The following PROKR1 variants were observed in gnomAD, a reference collection of about 807,000 sequenced individuals.
The protein encoded by PROKR1 is G protein-coupled receptor 73.
A neutral mutation model predicts 22.8 loss-of-function variants in PROKR1; 21 were observed. That is an observed-to-expected ratio of 0.92 (90% CI 0.65 to 1.32). The LOEUF (loss-of-function observed/expected upper bound fraction) is 1.32. Ranked by LOEUF, PROKR1 falls within the 40% of genes most tolerant of loss-of-function variation. The pLI is 0.00. For missense variants in PROKR1, 548 were observed against 514.2 expected (o/e 1.07, Z -0.64); for synonymous variants, 193 against 207.5 (o/e 0.93, Z 0.60).
intron 2 of PROKR1, among the ~76,000 whole-genome samples, chr2:68,652,774 G>A (rs1673359348): frequency 6.6e-6 from 1 of 152,158 alleles, no homozygotes; most frequent in Admixed American, 6.5e-5. Flanking sequence ...TTTTACAGAT[G>A]AGGGAAGTGA....
intron 2 of PROKR1, among the ~76,000 whole-genome samples, chr2:68,648,665 T>C (rs1673242363): frequency 6.6e-6 from 1 of 152,246 alleles, no homozygotes; most frequent in Admixed American, 6.5e-5. Context: ...TAGGAATCAT[T>C]AATTTTTCTC....
At chr2:68,646,906 A>G (rs1489664694) in intron 2 of PROKR1, among the ~76,000 whole-genome samples, 1 of 151,962 alleles carries the variant, frequency 6.6e-6, no homozygotes, top group Non-Finnish European at 1.5e-5. Context: ...AAATTAGCTG[A>G]GCGTGGTGGT....
In PROKR1 at chr2:68,646,376, G is replaced by A. The variant is rs926129150; in HGVS notation, c.485+70G>A. ...AGGGGCATTGGAATTGCCCCCTCCT[G>A]TACTGCAGTTGCAGATTGATGAGAG... On this transcript the variant is annotated intron_variant, in intron 2 of 2. Coordinates refer to ENST00000303786, the MANE Select transcript of PROKR1 (RefSeq NM_138964.4). The A allele has an allele frequency of 2.5e-6, 4 of 1,581,728 alleles. No individual in the cohort carries two copies. The Admixed American group carries it at 6.7e-5, about 26-fold the overall frequency.
intron 1 of PROKR1, among the ~76,000 whole-genome samples, chr2:68,644,335 C>G (rs1253285908): frequency 6.6e-6 from 1 of 152,168 alleles, no homozygotes; most frequent in Non-Finnish European, 1.5e-5. Context: ...GGGGCTTGTC[C>G]CGCCTGGGTT....
At chr2:68,651,196 T>C (rs1232111760) in intron 2 of PROKR1, among the ~76,000 whole-genome samples, 1 of 143,222 alleles carries the variant, frequency 7.0e-6, no homozygotes, top group East Asian at 2.1e-4. Flanking sequence ...ATCCTGTCTC[T>C]ACAAAAGAAA....
chr2:68,647,828 C>T (rs1673223414), intron 2 of PROKR1, among the ~76,000 whole-genome samples: 1 of 152,022 alleles, frequency 6.6e-6, no homozygotes, highest in Non-Finnish European at 1.5e-5. Flanking sequence ...TTTCATTTAC[C>T]TGGAGGCCAA....
chr2:68,653,087 C>T (rs1267370707), intron 2 of PROKR1, among the ~76,000 whole-genome samples: 1 of 152,224 alleles, frequency 6.6e-6, no homozygotes, highest in African/African-American at 2.4e-5. Flanking sequence ...AATGTCTTAA[C>T]TCTCCATTTT....
Position 68,645,952 on chromosome 2 carries a change from T to C in PROKR1, c.131T>C (p.Met44Thr), listed in dbSNP as rs548179657. 1.2e-6 allele frequency: 2 copies of C among 1,614,256 alleles called. No homozygotes were observed. Among genetic ancestry groups the C allele is most frequent in the African/African-American group, 1.3e-5 (1 of 75,062 alleles). ...PFNFSYSDYD[M>T]PLDEDEDVTN... is the part of the protein sequence containing the mutation. Reference sequence around the variant, plus strand: ...AACTTCAGCTACAGCGACTATGATATGCCTTTGGATGAAGATGAGGATGTG... The same window carrying C: ...AACTTCAGCTACAGCGACTATGATACGCCTTTGGATGAAGATGAGGATGTG... Residue 44 changes from methionine to threonine, a missense_variant, in exon 2 of 3, where the codon ATG becomes ACG. Met to Thr is a moderately conservative substitution (Grantham distance 81). Transcript: ENST00000303786.
At position 68,656,879 on chromosome 2, in the gene PROKR1, T is replaced by C. The variant is rs1573341072; in HGVS notation, c.*1303T>C. ...GTGATCCAGTGGCAGGGGATGCAGG[T>C]CAGATGCATCTTCCAGAAGTCTGGG... On this transcript the variant is annotated 3_prime_UTR_variant, in exon 3 of 3. Coordinates refer to ENST00000303786, the MANE Select transcript of PROKR1 (RefSeq NM_138964.4). 6.6e-6 allele frequency: 1 copy of C among 152,256 alleles called. No homozygotes were observed. The highest frequency in any genetic ancestry group is 2.1e-4 in the South Asian group (1 of 4,828). 9.4% of individuals were successfully genotyped at this position (152,256 alleles called of 1,614,324 possible).
chr2:68,644,694 T>C (rs1673136467), intron 1 of PROKR1, among the ~76,000 whole-genome samples: 1 of 152,108 alleles, frequency 6.6e-6, no homozygotes, highest in African/African-American at 2.4e-5. Flanking sequence ...TGTTTTAGGG[T>C]GCTCTCCAGA....
At chr2:68,653,821 T>C (rs1673386543) in intron 2 of PROKR1, among the ~76,000 whole-genome samples, 1 of 151,046 alleles carries the variant, frequency 6.6e-6, no homozygotes, top group South Asian at 2.1e-4. Flanking sequence ...ACCACTGTGG[T>C]AACAGCAATG....
chr2:68,646,011 G>T lies in PROKR1; in HGVS notation c.190G>T (p.Val64Phe), dbSNP rs779662940. Residue 64 changes from valine to phenylalanine, a missense_variant, in exon 2 of 3, where the codon GTC (valine) becomes TTC (phenylalanine). Transcript: ENST00000303786. ...CAGGACGTTCTTTGCTGCCAAGATT[G>T]TCATTGGGATGGCCCTGGTGGGCAT... ...NSRTFFAAKI[V>F]IGMALVGIML... The T allele has an allele frequency of 6.8e-6, 11 of 1,614,148 alleles. No individual in the cohort carries two copies. Among genetic ancestry groups the T allele is most frequent in the Non-Finnish European group, 9.3e-6 (11 of 1,180,062 alleles).
At position 68,655,217 on chromosome 2, in the gene PROKR1, A is replaced by G; in HGVS notation, c.823A>G (p.Arg275Gly). 1.9e-6 allele frequency: 3 copies of G among 1,614,228 alleles called. No individual in the cohort carries two copies. The stretch of plus-strand genomic sequence containing the variant: ...ATTCCAGACAGAGCAGATCCGCAAG[A>G]GGCTGCGCTGCCGCAGGAAGACGGT... Reference protein sequence around the residue: ...PGFQTEQIRKRLRCRRKTVLV... With the variant: ...PGFQTEQIRKGLRCRRKTVLV... The change falls in exon 3 of 3, where the codon AGG becomes GGG. Residue 275 changes from arginine (R) to glycine (G), a missense_variant. By Grantham distance (125) the Arg-to-Gly change is moderately radical. Coordinates refer to ENST00000303786, the MANE Select transcript of PROKR1 (RefSeq NM_138964.4).
At chr2:68,645,470 T>C (rs577187828) in intron 1 of PROKR1, among the ~76,000 whole-genome samples, 192 bp from the exon 2 acceptor site, 1 of 152,240 alleles carries the variant, frequency 6.6e-6, no homozygotes, top group African/African-American at 2.4e-5. Flanking sequence ...ATTGTCTCTA[T>C]AGCAATCCAC....
chr2:68,651,350 G>C (rs1325233233), intron 2 of PROKR1, among the ~76,000 whole-genome samples: 1 of 152,148 alleles, frequency 6.6e-6, no homozygotes, highest in African/African-American at 2.4e-5. Flanking sequence ...CTCGGTGACA[G>C]AGCAAGATCC....
chr2:68,655,338 T>C lies in PROKR1; in HGVS notation c.944T>C (p.Val315Ala). 3.7e-6 allele frequency: 6 copies of C among 1,614,228 alleles called. No individual in the cohort carries two copies. In the Admixed American group the frequency reaches 1.0e-4, roughly 27 times the overall value. Reference protein sequence around the residue: ...IVRDFFPTVFVKEKHYLTAFY... With the variant: ...IVRDFFPTVFAKEKHYLTAFY... ...CGCGACTTCTTCCCCACCGTGTTTG[T>C]GAAGGAGAAGCACTACCTCACTGCC... The change falls in exon 3 of 3, where the codon GTG becomes GCG. Residue 315 changes from valine (V) to alanine (A), a missense_variant. Physicochemically the swap from Val to Ala is moderately conservative, Grantham distance 64. Coordinates refer to ENST00000303786, the MANE Select transcript of PROKR1 (RefSeq NM_138964.4).
chr2:68,644,773 G>A (rs1227782175), intron 1 of PROKR1, among the ~76,000 whole-genome samples: 1 of 152,140 alleles, frequency 6.6e-6, no homozygotes, highest in Non-Finnish European at 1.5e-5. Flanking sequence ...ACTGCAGGGA[G>A]AGAGCAGGGG....
At chr2:68,644,489 T>C (rs1673131406) in intron 1 of PROKR1, among the ~76,000 whole-genome samples, 1 of 151,960 alleles carries the variant, frequency 6.6e-6, no homozygotes, top group Admixed American at 6.5e-5. Flanking sequence ...GAGGCAGCAA[T>C]GGGGCTGAGC....
Position 68,655,166 on chromosome 2 carries a change from G to C in PROKR1, c.772G>C (p.Glu258Gln). ...CCTGTGCTATGCCAGGATCTCCCGGGAGCTCTGGTTCAAGGCGGTCCCTGG... is the reference window on the plus strand; with the variant it reads ...CCTGTGCTATGCCAGGATCTCCCGGCAGCTCTGGTTCAAGGCGGTCCCTGG... ...MTLCYARISR[E>Q]LWFKAVPGFQ... Residue 258 changes from glutamate (E) to glutamine (Q), a missense_variant, in exon 3 of 3, where the codon GAG becomes CAG. Coordinates refer to ENST00000303786, the MANE Select transcript of PROKR1 (RefSeq NM_138964.4). 1 of 1,614,232 alleles carries C rather than the reference G, an allele frequency of 6.2e-7. No individual in the cohort carries two copies. Among genetic ancestry groups the C allele is most frequent in the Non-Finnish European group, 8.5e-7 (1 of 1,180,042 alleles).
Sources: gnomAD v4.1 joint callset for allele counts (sites outside exome capture counted in the v4.1 genomes callset) on GRCh38, gnomAD v4.1.1 for gene constraint, MANE v1.5 for transcripts, NCBI Gene and HGNC (gene_info 2026-07-23, HGNC 2026-07-21) for gene names.